Variants in SIN3A observed in about 807,000 individuals in gnomAD.
The protein encoded by SIN3A is SIN3 transcription regulator family member A.
In SIN3A, 14 loss-of-function variants were observed where a neutral mutation model predicts 146.1. That is an observed-to-expected ratio of 0.10 (90% confidence interval 0.06 to 0.15). The LOEUF (loss-of-function observed/expected upper bound fraction) is 0.15. Among genes scored for constraint, SIN3A ranks in the 10% least tolerant of loss-of-function variants. SIN3A has a pLI of 1.00. For missense variants in SIN3A, 1,028 were observed against 1,576.0 expected (o/e 0.65, Z 5.89); for synonymous variants, 572 against 572.0 (o/e 1.00, Z 0.00).
In SIN3A at chr15:75,371,881, GCTTGAAAGGCATCTTC is replaced by G. The variant is rs2072757678; in HGVS notation, c.*82_*97del. Reference sequence around the variant, plus strand: ...CCATGTCCCAGAGAGGCCCAGTGAGGCTTGAAAGGCATCTTCCTTGTTTCTTCAGTGTGTGAGTGCA... The same window carrying G: ...CCATGTCCCAGAGAGGCCCAGTGAGGCTTGTTTCTTCAGTGTGTGAGTGCA... On this transcript the variant is annotated 3_prime_UTR_variant, in exon 21 of 21. Coordinates refer to ENST00000394947, the MANE Select transcript of SIN3A (RefSeq NM_001145358.2). 1 of 1,122,376 alleles carries G rather than the reference GCTTGAAAGGCATCTTC, an allele frequency of 8.9e-7. No homozygotes were observed. Among genetic ancestry groups the G allele is most frequent in the African/African-American group, 1.5e-5 (1 of 64,914 alleles). 69.5% of individuals were successfully genotyped at this position (1,122,376 alleles called of 1,614,324 possible).
intron 9 of SIN3A, among the ~76,000 whole-genome samples, chr15:75,402,337 C>T (rs4243033): frequency 0.35 from 52,846 of 151,688 alleles, 10,490 homozygotes; most frequent in African/African-American, 0.53. Context: ...CATGCTGAAA[C>T]CCCGTCTCTA....
At chr15:75,413,138 A>C in intron 4 of SIN3A, 93 bp from the exon 5 acceptor site, 25 of 1,258,966 alleles carry the variant, frequency 2.0e-5, no homozygotes, top group Non-Finnish European at 2.5e-5. Context: ...TTTGAGACGG[A>C]GTCTCACTCT....
chr15:75,445,959 A>G (rs2141629332), intron 1 of SIN3A, among the ~76,000 whole-genome samples: 1 of 152,280 alleles, frequency 6.6e-6, no homozygotes, highest in South Asian at 2.1e-4. Flanking sequence ...TGCTCAGCAT[A>G]CTGCTTTGTC....
intron 16 of SIN3A, among the ~76,000 whole-genome samples, chr15:75,386,689 C>A (rs2073089415): frequency 6.6e-6 from 1 of 152,200 alleles, no homozygotes; most frequent in Non-Finnish European, 1.5e-5. Context: ...AGAGTGAAGG[C>A]ATGCAGGAGA....
chr15:75,414,127 A>G, intron 4 of SIN3A, 78 bp downstream of exon 4: 1 of 640,162 alleles, frequency 1.6e-6, no homozygotes, highest in Non-Finnish European at 2.4e-6. Context: ...TTTATCTTCC[A>G]GTAAATAAAC....
At chr15:75,446,803 G>A (rs1035661592) in intron 1 of SIN3A, among the ~76,000 whole-genome samples, 5 of 150,900 alleles carry the variant, frequency 3.3e-5, no homozygotes, top group Admixed American at 2.0e-4. Context: ...AGACAGTCTC[G>A]CTCTGTCGCC....
chr15:75,422,957 A>G, intron 2 of SIN3A, 134 bp from the exon 3 acceptor site: 2 of 785,774 alleles, frequency 2.5e-6, no homozygotes, highest in Non-Finnish European at 4.0e-6. Flanking sequence ...GATGGCTCAC[A>G]CCTATCTCAC....
chr15:75,385,684 T>C (rs957063093), intron 16 of SIN3A, among the ~76,000 whole-genome samples: 10 of 152,246 alleles, frequency 6.6e-5, no homozygotes, highest in Non-Finnish European at 1.3e-4. Context: ...CCATTCTATT[T>C]TTAGGAAGAC....
Position 75,404,982 on chromosome 15 carries a change from A to G in SIN3A, c.1407+2073T>C, listed in dbSNP as rs557709537. On this transcript the variant is annotated intron_variant, in intron 9 of 20. Coordinates refer to ENST00000394947, the MANE Select transcript of SIN3A (RefSeq NM_001145358.2). ...AAAACATTGAGACCCCCTCTCTCCAAAAAAATTTTAAAAATTAGCTGAGTG... is the reference window on the plus strand; with the variant it reads ...AAAACATTGAGACCCCCTCTCTCCAGAAAAATTTTAAAAATTAGCTGAGTG... 4.6e-5 allele frequency among the ~76,000 whole-genome samples: 7 copies of G among 151,996 alleles called. No individual in the cohort carries two copies. The East Asian group carries it at 9.7e-4, about 21-fold the overall frequency.
intron 1 of SIN3A, among the ~76,000 whole-genome samples, chr15:75,441,727 C>A (rs997443854): frequency 2.0e-5 from 3 of 152,086 alleles, no homozygotes; most frequent in African/African-American, 7.2e-5. Flanking sequence ...AAATGAAATA[C>A]TTTGAAAACT....
At chr15:75,419,663 A>AG in intron 3 of SIN3A, 1 of 151,784 alleles carries the variant, frequency 6.6e-6, no homozygotes, top group East Asian at 1.9e-4. Context: ...TAGTAAAAAA[A>AG]AAAAAAAATA....
At position 75,375,891 on chromosome 15, in the gene SIN3A, G is replaced by A. The variant is rs766896566; in HGVS notation, c.3384-19C>T. On this transcript the variant is annotated intron_variant, in intron 19 of 20. Coordinates refer to ENST00000394947, the MANE Select transcript of SIN3A (RefSeq NM_001145358.2). ...TAGATTCCTATTGCAGAAAAGCCCC[G>A]GAGGATGAGAGCTCGTCCAGATGCA... The A allele has an allele frequency of 1.2e-4, 188 of 1,612,826 alleles. 2 individuals carry two copies. In the South Asian group the frequency reaches 1.8e-3, roughly 15 times the overall value.
chr15:75,438,025 C>T (rs4886703), intron 1 of SIN3A, among the ~76,000 whole-genome samples: 53,892 of 151,512 alleles, frequency 0.36, 10,836 homozygotes, highest in African/African-American at 0.54. Context: ...AATACACACA[C>T]ACAAAAAAAA....
At chr15:75,409,462 G>A (rs1157247742) in intron 8 of SIN3A, among the ~76,000 whole-genome samples, 2 of 151,632 alleles carry the variant, frequency 1.3e-5, no homozygotes, top group African/African-American at 4.8e-5. Flanking sequence ...ATGACTGCCG[G>A]GCACAGGTAA....
At chr15:75,398,401 C>T (rs944338780) in intron 12 of SIN3A, among the ~76,000 whole-genome samples, 5 of 152,156 alleles carry the variant, frequency 3.3e-5, no homozygotes, top group Non-Finnish European at 5.9e-5. Context: ...CTGGGACAGG[C>T]GCAGTGGCTC....
At chr15:75,442,598 G>T (rs1409346600) in intron 1 of SIN3A, among the ~76,000 whole-genome samples, 1 of 135,202 alleles carries the variant, frequency 7.4e-6, no homozygotes, top group Non-Finnish European at 1.5e-5. Flanking sequence ...GGGCAACATA[G>T]TGAGATAGAT....
chr15:75,396,284 G>A lies in SIN3A; in HGVS notation c.2067C>T (p.Ser689=). The part of the protein sequence containing the change: ...DIIDGLRKNP[S]IAVPIVLKRL... ...TTTTAAGGACAATTGGAACAGCAAT[G>A]GAGGGATTCTTTCTCAGACCATCAA... Residue 689 remains serine, a synonymous_variant, in exon 13 of 21, where the codon TCC becomes TCT. Coordinates refer to ENST00000394947, the MANE Select transcript of SIN3A (RefSeq NM_001145358.2). 6.2e-7 allele frequency: 1 copy of A among 1,613,866 alleles called. No individual in the cohort carries two copies. The highest frequency in any genetic ancestry group is 8.5e-7 in the Non-Finnish European group (1 of 1,179,740).
upstream of SIN3A, among the ~76,000 whole-genome samples, chr15:75,454,654 G>T (rs2074462570): frequency 6.6e-6 from 1 of 151,914 alleles, no homozygotes; most frequent in South Asian, 2.1e-4. Flanking sequence ...CCCCTTTCAG[G>T]CCACCCCCTC....
rs771207052 is a variant in SIN3A, at chr15:75,371,901, GT to G, written c.*77del. The G allele has an allele frequency of 1.5e-5, 19 of 1,306,572 alleles. No individual in the cohort carries two copies. The highest frequency in any genetic ancestry group is 2.1e-5 in the Non-Finnish European group (19 of 917,110). 80.9% of individuals were successfully genotyped at this position (1,306,572 alleles called of 1,614,324 possible). Reference sequence around the variant, plus strand: ...GTGAGGCTTGAAAGGCATCTTCCTTGTTTCTTCAGTGTGTGAGTGCATAGGC... The same window carrying G: ...GTGAGGCTTGAAAGGCATCTTCCTTGTTCTTCAGTGTGTGAGTGCATAGGC... On this transcript the variant is annotated 3_prime_UTR_variant, in exon 21 of 21. Transcript: ENST00000394947.
Sources: gnomAD v4.1 joint callset for allele counts (sites outside exome capture counted in the v4.1 genomes callset) on GRCh38, gnomAD v4.1.1 for gene constraint, MANE v1.5 for transcripts, NCBI Gene and HGNC (gene_info 2026-07-23, HGNC 2026-07-21) for gene names.